Variants in CPED1 observed in about 807,000 individuals in gnomAD.
CPED1 encodes cadherin like and PC-esterase domain containing 1.
CPED1 carries 114 observed loss-of-function variants against 128.2 expected under a neutral mutation model. The observed-to-expected ratio is 0.89, with a 90% CI of 0.76 to 1.04. The LOEUF (loss-of-function observed/expected upper bound fraction) is 1.04, where lower values mean the gene tolerates loss of function less well. Ranked by LOEUF, CPED1 falls within the 50% of genes least tolerant of loss-of-function variation. CPED1 has a pLI of 0.00. For synonymous variants in CPED1, 462 were observed against 426.7 expected (o/e 1.08, Z -1.02); for missense variants, 1,211 against 1,207.1 (o/e 1.00, Z -0.05).
At chr7:120,999,637 A>G (rs937124270) in intron 2 of CPED1, among the ~76,000 whole-genome samples, 6 of 152,196 alleles carry the variant, frequency 3.9e-5, no homozygotes, top group Admixed American at 2.6e-4. Flanking sequence ...ACAGGAGTTT[A>G]TGTATACGAG....
rs1798471879 is a variant in CPED1, at chr7:121,244,286, A to C, written c.2258A>C (p.Gln753Pro). Residue 753 changes from glutamine (Q) to proline (P), a missense_variant, in exon 18 of 23, where the codon CAA becomes CCA. Gln to Pro is a moderately conservative substitution (Grantham distance 76). Transcript: ENST00000310396. The stretch of plus-strand genomic sequence containing the variant: ...ATAACCTGGCAGCCCCACAACTGCC[A>C]ATATGGTGTCCTAACTAAGCCTCAA... ...REITWQPHNC[Q>P]YGVLTKPQLQ... The C allele has an allele frequency of 6.2e-7, 1 of 1,614,160 alleles. No homozygotes were observed. Among genetic ancestry groups the C allele is most frequent in the East Asian group, 2.2e-5 (1 of 44,878 alleles).
intron 2 of CPED1, among the ~76,000 whole-genome samples, chr7:121,005,790 T>C (rs889790167): frequency 6.6e-6 from 1 of 152,198 alleles, no homozygotes. Flanking sequence ...TCTAGTAATA[T>C]CTTACGCTTG....
At chr7:121,250,511 C>A (rs1562850413) in intron 18 of CPED1, among the ~76,000 whole-genome samples, 1 of 151,974 alleles carries the variant, frequency 6.6e-6, no homozygotes, top group Non-Finnish European at 1.5e-5. Flanking sequence ...AAAAACCCTT[C>A]AAAAAATCAG....
intron 16 of CPED1, among the ~76,000 whole-genome samples, chr7:121,156,804 TAAAAA>T (rs1796295146): frequency 6.6e-6 from 1 of 150,678 alleles, no homozygotes; most frequent in South Asian, 2.1e-4. Flanking sequence ...ATAAAAAAAT[TAAAAA>T]ATAAAATGTG....
intron 16 of CPED1, among the ~76,000 whole-genome samples, chr7:121,148,025 T>C (rs756761361): frequency 6.6e-6 from 1 of 152,156 alleles, no homozygotes; most frequent in African/African-American, 2.4e-5. Context: ...AGTTATCTAA[T>C]AGCAAATATC....
intron 22 of CPED1, among the ~76,000 whole-genome samples, chr7:121,294,159 G>GAAATCATATAATTT (rs936214100): frequency 2.6e-5 from 4 of 151,898 alleles, no homozygotes; most frequent in Non-Finnish European, 5.9e-5. Flanking sequence ...ATTTCACTAG[G>GAAATCATATAATTT]ACAACGTTTG....
intron 5 of CPED1, among the ~76,000 whole-genome samples, chr7:121,092,076 ATGCTCAT>A (rs1179722621): frequency 6.6e-6 from 1 of 152,044 alleles, no homozygotes; most frequent in African/African-American, 2.4e-5. Context: ...ATGCTTTCCC[ATGCTCAT>A]TGTGGGTTCC....
chr7:121,099,918 T>C lies in CPED1; in HGVS notation c.750-8T>C, dbSNP rs1352728566. On this transcript the variant is annotated splice_region_variant and splice_polypyrimidine_tract_variant and intron_variant, in intron 6 of 22. Transcript: ENST00000310396. ...TGGAGCGCTAACTATGTTTTTTTTT[T>C]TTTTTAGGAATGAAACGACAGTCCT... The C allele has an allele frequency of 6.2e-7, 1 of 1,607,974 alleles. No homozygotes were observed. The highest frequency in any genetic ancestry group is 1.1e-5 in the South Asian group (1 of 90,228).
chr7:121,008,840 A>G (rs1792091668), intron 2 of CPED1, among the ~76,000 whole-genome samples: 1 of 152,178 alleles, frequency 6.6e-6, no homozygotes, highest in Non-Finnish European at 1.5e-5. Flanking sequence ...CATGCCTGTT[A>G]CCTAGAAAAT....
intron 16 of CPED1, among the ~76,000 whole-genome samples, chr7:121,213,664 A>G (rs1289993550): frequency 6.6e-6 from 1 of 152,106 alleles, no homozygotes; most frequent in Non-Finnish European, 1.5e-5. Flanking sequence ...GTGTTCTTAC[A>G]GGTTAGAATA....
chr7:121,161,245 G>A (rs1027769592), intron 16 of CPED1, among the ~76,000 whole-genome samples: 2 of 152,134 alleles, frequency 1.3e-5, no homozygotes, highest in Admixed American at 1.3e-4. Flanking sequence ...TGGAACCTCT[G>A]GGGAAGAGCC....
intron 2 of CPED1, among the ~76,000 whole-genome samples, chr7:120,999,958 T>C (rs944532032): frequency 7.2e-5 from 11 of 152,192 alleles, no homozygotes; most frequent in Non-Finnish European, 1.6e-4. Context: ...TCTCTTGTTT[T>C]TTCAGATAGT....
intron 5 of CPED1, among the ~76,000 whole-genome samples, chr7:121,095,128 C>A (rs189775130): frequency 6.6e-6 from 1 of 152,256 alleles, no homozygotes; most frequent in Non-Finnish European, 1.5e-5. Context: ...AGCCTCATCA[C>A]CCAAATCCCT....
chr7:121,229,626 T>G (rs1798093169), intron 16 of CPED1, among the ~76,000 whole-genome samples: 1 of 152,068 alleles, frequency 6.6e-6, no homozygotes, highest in Non-Finnish European at 1.5e-5. Flanking sequence ...CAGTTGACCA[T>G]AATTAATTTA....
At chr7:121,026,791 G>A (rs1046368798) in intron 3 of CPED1, among the ~76,000 whole-genome samples, 4 of 148,966 alleles carry the variant, frequency 2.7e-5, no homozygotes, top group African/African-American at 7.4e-5. Flanking sequence ...CATTGATGTT[G>A]AGGTTTTTGT....
chr7:121,060,085 G>GC (rs1048663057), intron 4 of CPED1, among the ~76,000 whole-genome samples: 2 of 152,194 alleles, frequency 1.3e-5, no homozygotes, highest in African/African-American at 4.8e-5. Context: ...GGCCCTGCCG[G>GC]CCCGGGCAAT....
intron 2 of CPED1, among the ~76,000 whole-genome samples, chr7:120,994,902 G>C (rs1024533503): frequency 6.6e-6 from 1 of 152,044 alleles, no homozygotes; most frequent in African/African-American, 2.4e-5. Flanking sequence ...AAGACCAGTT[G>C]GTAGGCTGTT....
At chr7:121,158,883 T>G (rs1451703907) in intron 16 of CPED1, among the ~76,000 whole-genome samples, 1 of 152,150 alleles carries the variant, frequency 6.6e-6, no homozygotes, top group East Asian at 1.9e-4. Context: ...AATAACTCCA[T>G]GTAATAAAAT....
rs115237514 is a variant in CPED1, at chr7:121,051,138, C to T, written c.540+4145C>T. 4.9e-4 allele frequency: 259 copies of T among 526,590 alleles called. 2 individuals carry two copies. The highest frequency in any genetic ancestry group is 3.3e-3 in the African/African-American group (171 of 51,448). The allele number at this position is 526,590 out of a possible 1,614,324, so 32.6% of individuals were successfully genotyped here. On this transcript the variant is annotated intron_variant, in intron 4 of 22. Transcript: ENST00000310396. ...CTAAAGAAGATTTACCTGCAGAAAA[C>T]GGGGAAATGAAAACTGAGGAGAGTC...
Sources: gnomAD v4.1 joint callset for allele counts (sites outside exome capture counted in the v4.1 genomes callset) on GRCh38, gnomAD v4.1.1 for gene constraint, MANE v1.5 for transcripts, NCBI Gene and HGNC (gene_info 2026-07-23, HGNC 2026-07-21) for gene names.